PTDSS1: variants seen among roughly 807,000 people sequenced by gnomAD.
PTDSS1 encodes phosphatidylserine synthase 1, also known as PSS-1.
PTDSS1 carries 45 observed loss-of-function variants against 70.5 expected under a neutral mutation model. The ratio of observed to expected loss-of-function variants is 0.64; its 90% CI spans 0.50 to 0.82. The LOEUF is 0.82. PTDSS1 is among the 40% of genes least tolerant of loss of function. PTDSS1 has a pLI of 0.00. For missense variants in PTDSS1, 417 were observed against 586.1 expected (o/e 0.71, Z 2.98); for synonymous variants, 188 against 203.8 (o/e 0.92, Z 0.66).
intron 3 of PTDSS1, 40 bp from the exon 4 acceptor site, chr8:96,286,982 G>A: frequency 6.2e-7 from 1 of 1,610,998 alleles, no homozygotes; most frequent in Non-Finnish European, 8.5e-7. Flanking sequence ...TCTGACTATT[G>A]GATCTCTTCT....
chr8:96,287,019 C>G lies in PTDSS1; in HGVS notation c.317-3C>G, dbSNP rs372668207. ...AACTTCAGCATGTTTTTGTTTCTCT[C>G]AGGACTCAGTGTGCTCTACTTCCTG... On this transcript the variant is annotated splice_region_variant and splice_polypyrimidine_tract_variant and intron_variant, in intron 3 of 12. Transcript: ENST00000517309. 6.2e-7 allele frequency: 1 copy of G among 1,613,830 alleles called. No individual in the cohort carries two copies. Among genetic ancestry groups the G allele is most frequent in the Non-Finnish European group, 8.5e-7 (1 of 1,179,904 alleles).
intron 1 of PTDSS1, among the ~76,000 whole-genome samples, chr8:96,270,315 C>T (rs975086957): frequency 3.3e-5 from 5 of 151,964 alleles, no homozygotes; most frequent in Non-Finnish European, 7.4e-5. Context: ...CTCATGTGGA[C>T]TCTGCAGCCA....
intron 10 of PTDSS1, among the ~76,000 whole-genome samples, chr8:96,329,057 T>C (rs539047137): frequency 6.6e-6 from 1 of 152,190 alleles, no homozygotes; most frequent in African/African-American, 2.4e-5. Flanking sequence ...AAATTAATGG[T>C]CTCTGAGGTG....
intron 9 of PTDSS1, among the ~76,000 whole-genome samples, chr8:96,315,384 C>T (rs1163235215): frequency 6.6e-6 from 1 of 152,178 alleles, no homozygotes. Flanking sequence ...CCATGGCATT[C>T]CTGTGGCATC....
intron 2 of PTDSS1, among the ~76,000 whole-genome samples, chr8:96,280,573 A>AT (rs1200932394): frequency 6.6e-6 from 1 of 152,198 alleles, no homozygotes; most frequent in Non-Finnish European, 1.5e-5. Context: ...TCTCAAAAAA[A>AT]CAAAAAAGAA....
Position 96,279,622 on chromosome 8 carries a change from C to T in PTDSS1, c.272-4487C>T, listed in dbSNP as rs917017060. 2.6e-5 allele frequency among the ~76,000 whole-genome samples: 4 copies of T among 151,798 alleles called. No homozygotes were observed. The East Asian group carries it at 7.7e-4, about 29-fold the overall frequency. The stretch of plus-strand genomic sequence containing the variant: ...TCACTTGAGGTCAGGAGTTCAAGAC[C>T]AGCTTGGCTAACATGGTGAAACCTT... On this transcript the variant is annotated intron_variant, in intron 2 of 12. Coordinates refer to ENST00000517309, the MANE Select transcript of PTDSS1 (RefSeq NM_014754.3).
At chr8:96,313,775 A>G (rs938566639) in intron 9 of PTDSS1, among the ~76,000 whole-genome samples, 17 of 152,178 alleles carry the variant, frequency 1.1e-4, no homozygotes, top group South Asian at 2.1e-4. Context: ...GTCCATCACA[A>G]TAAGTTCCCA....
At chr8:96,306,800 C>G (rs1411289820) in intron 8 of PTDSS1, among the ~76,000 whole-genome samples, 1 of 152,148 alleles carries the variant, frequency 6.6e-6, no homozygotes, top group Admixed American at 6.5e-5. Flanking sequence ...TTATCAGATT[C>G]CTTTACAGTC....
At chr8:96,317,516 C>T (rs1811312160) in intron 9 of PTDSS1, among the ~76,000 whole-genome samples, 1 of 151,926 alleles carries the variant, frequency 6.6e-6, no homozygotes, top group Admixed American at 6.6e-5. Flanking sequence ...GGGTGGATCA[C>T]TTGAGCTCAG....
At chr8:96,290,285 T>C (rs1309797273) in intron 4 of PTDSS1, among the ~76,000 whole-genome samples, 2 of 152,234 alleles carry the variant, frequency 1.3e-5, no homozygotes. Flanking sequence ...CAAACATCTT[T>C]CTTGCATTTT....
chr8:96,331,041 G>A lies in PTDSS1; in HGVS notation c.1258G>A (p.Glu420Lys), dbSNP rs772180656. ...GHREKTYSECEDGTYSPEISW... is the reference protein window; with the variant it reads ...GHREKTYSECKDGTYSPEISW... ...CTCTCCCTAGACCTACTCGGAGTGTGAAGATGGCACCTACAGTCCAGAGAT... is the reference window on the plus strand; with the variant it reads ...CTCTCCCTAGACCTACTCGGAGTGTAAAGATGGCACCTACAGTCCAGAGAT... Residue 420 changes from glutamate (E) to lysine (K), a missense_variant, in exon 12 of 13, where the codon GAA becomes AAA. By Grantham distance (56) the Glu-to-Lys change is moderately conservative. Coordinates refer to ENST00000517309, the MANE Select transcript of PTDSS1 (RefSeq NM_014754.3). 6.2e-7 allele frequency: 1 copy of A among 1,613,344 alleles called. No individual in the cohort carries two copies. The highest frequency in any genetic ancestry group is 1.3e-5 in the African/African-American group (1 of 74,920).
At chr8:96,290,955 T>C (rs903468098) in intron 4 of PTDSS1, among the ~76,000 whole-genome samples, 3 of 148,134 alleles carry the variant, frequency 2.0e-5, no homozygotes, top group African/African-American at 7.5e-5. Flanking sequence ...ATATTATAAA[T>C]ATTATAAATT....
intron 4 of PTDSS1, among the ~76,000 whole-genome samples, chr8:96,291,268 T>C (rs1810898890): frequency 6.6e-6 from 1 of 152,124 alleles, no homozygotes; most frequent in Admixed American, 6.6e-5. Flanking sequence ...CAACAGCTTT[T>C]TAGAATTTTA....
At position 96,306,534 on chromosome 8, in the gene PTDSS1, G is replaced by A; in HGVS notation, c.985G>A (p.Gly329Ser). 6.2e-7 allele frequency: 1 copy of A among 1,613,084 alleles called. No individual in the cohort carries two copies. Among genetic ancestry groups the A allele is most frequent in the Non-Finnish European group, 8.5e-7 (1 of 1,179,098 alleles). Reference protein sequence around the residue: ...LSWGRILFIGGITAPTVRQYY... With the variant: ...LSWGRILFIGSITAPTVRQYY... ...TTGGGGTAGAATTCTCTTTATTGGT[G>A]GCATCACAGCTCCCACAGTGAGGTA... Residue 329 changes from glycine (G) to serine (S), a missense_variant, in exon 8 of 13, where the codon GGC (glycine) becomes AGC (serine). By Grantham distance (56) the Gly-to-Ser change is moderately conservative. This residue lies in a region of PTDSS1 where 272 missense variants were observed against 429.5 expected (regional missense o/e 0.63). Coordinates refer to ENST00000517309, the MANE Select transcript of PTDSS1 (RefSeq NM_014754.3).
In PTDSS1 at chr8:96,333,469, G is replaced by A; in HGVS notation, c.1325G>A (p.Ser442Asn). 6.2e-7 allele frequency: 1 copy of A among 1,613,732 alleles called. No homozygotes were observed. The highest frequency in any genetic ancestry group is 8.5e-7 in the Non-Finnish European group (1 of 1,179,668). ...HRKGTKGSED[S>N]PPKHAGNNES... is the part of the protein sequence containing the mutation. ...TTCCTTTGGCCAGGTTCTGAAGACA[G>A]CCCACCCAAGCATGCAGGCAACAAC... Residue 442 changes from serine (S) to asparagine (N), a missense_variant, in exon 13 of 13, where the codon AGC becomes AAC. Physicochemically the swap from Ser to Asn is conservative, Grantham distance 46. This residue lies in a region of PTDSS1 where 107 missense variants were observed against 122.3 expected (regional missense o/e 0.88). Transcript: ENST00000517309.
chr8:96,309,460 A>G, intron 8 of PTDSS1, 97 bp from the exon 9 acceptor site: 1 of 1,077,582 alleles, frequency 9.3e-7, no homozygotes, highest in African/African-American at 1.6e-5. Flanking sequence ...ACATGGGACA[A>G]GGAGGGACGT....
intron 2 of PTDSS1, among the ~76,000 whole-genome samples, 176 bp downstream of exon 2, chr8:96,273,566 C>T (rs1289739373): frequency 1.1e-4 from 16 of 152,166 alleles, no homozygotes; most frequent in African/African-American, 3.9e-4. Context: ...CCAGAGAAGC[C>T]TCCTAAGAGT....
intron 9 of PTDSS1, among the ~76,000 whole-genome samples, chr8:96,316,112 CTGGTGGT>C (rs1811284879): frequency 6.6e-6 from 1 of 152,164 alleles, no homozygotes; most frequent in African/African-American, 2.4e-5. Context: ...GGGGCGATGG[CTGGTGGT>C]TAAAGGAGCC....
intron 1 of PTDSS1, among the ~76,000 whole-genome samples, chr8:96,265,142 T>C (rs1810468389): frequency 6.6e-6 from 1 of 152,208 alleles, no homozygotes; most frequent in South Asian, 2.1e-4. Context: ...TCCAGTGCCT[T>C]ATTATTTATT....
Sources: allele counts gnomAD v4.1 joint callset (sites outside exome capture counted in the v4.1 genomes callset), GRCh38; gene constraint gnomAD v4.1.1; regional missense constraint gnomAD v4.1.1; transcripts MANE v1.5; gene names NCBI Gene and HGNC (gene_info 2026-07-23, HGNC 2026-07-21).